PTPRB: variants seen among roughly 807,000 people sequenced by gnomAD.
PTPRB encodes the protein protein tyrosine phosphatase receptor type B, also known as receptor-type tyrosine-protein phosphatase beta.
PTPRB carries 97 observed loss-of-function variants against 238.1 expected under a neutral mutation model. That is an observed-to-expected ratio of 0.41 (90% CI 0.35 to 0.48). The LOEUF is 0.48. Ranked by LOEUF, PTPRB falls within the 20% of genes least tolerant of loss-of-function variation. The probability of loss-of-function intolerance (pLI) is 0.30; values close to 1 mark genes in which losing one functional copy is unlikely to be tolerated. For synonymous variants in PTPRB, 970 were observed against 995.4 expected, an observed-to-expected ratio of 0.97 and a Z score of 0.48; for missense variants, 2,292 against 2,681.9, an observed-to-expected ratio of 0.85 and a Z score of 3.21.
chr12:70,592,111 G>C (rs1238105366), intron 7 of PTPRB, 171 bp downstream of exon 7: 6 of 835,712 alleles, frequency 7.2e-6, no homozygotes, highest in Non-Finnish European at 1.1e-5. Flanking sequence ...TCCAAACTCA[G>C]TTGCCTAAGT....
chr12:70,610,092 C>T (rs747340889), intron 3 of PTPRB, among the ~76,000 whole-genome samples: 10 of 152,266 alleles, frequency 6.6e-5, no homozygotes, highest in Admixed American at 1.3e-4. Context: ...CGCCCCAGCC[C>T]CGTCCGCTGA....
chr12:70,534,999 C>T, intron 29 of PTPRB, 44 bp from the exon 30 acceptor site: 1 of 1,580,390 alleles, frequency 6.3e-7, no homozygotes, highest in Non-Finnish European at 8.6e-7. Context: ...GGAAAAGTGA[C>T]TCCTTGGTGA....
chr12:70,615,818 A>G (rs956698351), intron 3 of PTPRB, among the ~76,000 whole-genome samples: 1 of 152,228 alleles, frequency 6.6e-6, no homozygotes, highest in Non-Finnish European at 1.5e-5. Context: ...CAAATAAAGC[A>G]TGGCTTATGA....
At chr12:70,573,047 T>C (rs1880272130) in intron 11 of PTPRB, among the ~76,000 whole-genome samples, 1 of 152,062 alleles carries the variant, frequency 6.6e-6, no homozygotes, top group Non-Finnish European at 1.5e-5. Flanking sequence ...TATTATATAA[T>C]AGTTATAATT....
chr12:70,595,722 C>T (rs560752356), intron 5 of PTPRB, among the ~76,000 whole-genome samples: 2 of 152,090 alleles, frequency 1.3e-5, no homozygotes, highest in Non-Finnish European at 2.9e-5. Context: ...ATGGCACAAA[C>T]TTAGAAAATG....
Position 70,563,031 on chromosome 12 carries a change from C to T in PTPRB, c.3981G>A (p.Glu1327=), listed in dbSNP as rs1878713237. The part of the protein sequence containing the change: ...RHLSFRWTAS[E]GELSWYNIFL... ...AGATGTTGTACCAGCTGAGCTCCCC[C>T]TCTGAGGCGGTCCAGCGGAAGGACA... is the stretch of plus-strand genomic sequence containing the variant. The change falls in exon 16 of 34, where the codon GAG becomes GAA. Residue 1327 remains glutamate, a synonymous_variant. Transcript: ENST00000334414. The T allele has an allele frequency of 5.6e-6, 9 of 1,613,966 alleles. No individual in the cohort carries two copies. Among genetic ancestry groups the T allele is most frequent in the Non-Finnish European group, 6.8e-6 (8 of 1,179,880 alleles).
At chr12:70,610,556 C>G (rs970290420) in intron 3 of PTPRB, among the ~76,000 whole-genome samples, 1 of 152,084 alleles carries the variant, frequency 6.6e-6, no homozygotes, top group Non-Finnish European at 1.5e-5. Context: ...TATTAGAGAG[C>G]TTTTGCCCTT....
rs534296200 is a variant in PTPRB, at chr12:70,566,570, G to A, written c.3769C>T (p.Arg1257Cys). ...LLLTENGILL[R>C]NTSEPATTKQ... ...GTGGTGGCTGGCTCTGATGTGTTGC[G>A]CAGAAGGATTCCATTTTCAGTTAGA... The change falls in exon 15 of 34, where the codon CGC becomes TGC. Residue 1257 changes from arginine (R) to cysteine (C), a missense_variant. Arg to Cys is a radical substitution (Grantham distance 180, BLOSUM62 -3). This residue lies in a region of PTPRB where 683 missense variants were observed against 862.0 expected (regional missense o/e 0.79). Transcript: ENST00000334414. The A allele has an allele frequency of 2.9e-5, 47 of 1,613,932 alleles. No individual in the cohort carries two copies. The highest frequency in any genetic ancestry group is 1.5e-4 in the Admixed American group (9 of 60,028).
At chr12:70,627,161 T>A (rs762184768) in intron 2 of PTPRB, among the ~76,000 whole-genome samples, 22 of 152,246 alleles carry the variant, frequency 1.4e-4, no homozygotes, top group Non-Finnish European at 2.6e-4. Context: ...TAACACCCTA[T>A]GTTTTCTTTA....
intron 8 of PTPRB, among the ~76,000 whole-genome samples, chr12:70,588,095 CAAAA>C (rs10558140): frequency 0.13 from 14,085 of 104,672 alleles, 744 homozygotes; most frequent in Admixed American, 0.16. Context: ...GACTCTGTCT[CAAAA>C]AAAAAAAAAA....
At chr12:70,556,952 T>C (rs978325213) in intron 18 of PTPRB, among the ~76,000 whole-genome samples, 1 of 152,172 alleles carries the variant, frequency 6.6e-6, no homozygotes, top group African/African-American at 2.4e-5. Context: ...AGACGTTAGC[T>C]CTAACCTCTA....
rs1873791907 is a variant in PTPRB at position 70,534,544 on chromosome 12, A to C, written c.6312T>G (p.Thr2104=). The C allele has an allele frequency of 6.2e-7, 1 of 1,613,438 alleles. No homozygotes were observed. The highest frequency in any genetic ancestry group is 8.5e-7 in the Non-Finnish European group (1 of 1,179,726). Residue 2104 remains threonine, a synonymous_variant, in exon 31 of 34, where the codon ACT becomes ACG. Coordinates refer to ENST00000334414, the MANE Select transcript of PTPRB (RefSeq NM_001109754.4). ...GGCTTCTGTTGATGTAGTCCCTGAC[A>C]GTTCTCACAAACTGGATCAGAGACT... ...TTQSLIQFVR[T]VRDYINRSPG... is the part of the protein sequence containing the mutation.
At position 70,576,448 on chromosome 12, in the gene PTPRB, A is replaced by G. The variant is rs1250398383; in HGVS notation, c.2776T>C (p.Tyr926His). The G allele has an allele frequency of 6.2e-7, 1 of 1,606,590 alleles. No homozygotes were observed. ...CTCCTTGTAGTTATGGTCACGGTGT[A>G]GAGGCGGCCTGGGGTGAGGGAGCTG... ...SFSSLTPGRL[Y>H]TVTITTRSGK... is the part of the protein sequence containing the mutation. The change falls in exon 11 of 34, where the codon TAC (tyrosine) becomes CAC (histidine). Residue 926 changes from tyrosine to histidine, a missense_variant. Transcript: ENST00000334414.
At chr12:70,570,894 A>G in intron 13 of PTPRB, 132 bp downstream of exon 13, 1 of 962,632 alleles carries the variant, frequency 1.0e-6, no homozygotes, top group Non-Finnish European at 1.5e-6. Flanking sequence ...CATTGTCACT[A>G]TCAACATGAC....
rs1006005126 is a variant in PTPRB at position 70,517,188 on chromosome 12, A to G, written c.*4301T>C. On this transcript the variant is annotated 3_prime_UTR_variant, in exon 34 of 34. Coordinates refer to ENST00000334414, the MANE Select transcript of PTPRB (RefSeq NM_001109754.4). ...TTTAGTTAAATATCTGGTCAATTCAAAAAGCAAAATAAATTGATTCAATTG... is the reference window on the plus strand; with the variant it reads ...TTTAGTTAAATATCTGGTCAATTCAGAAAGCAAAATAAATTGATTCAATTG... 2.8e-4 allele frequency: 43 copies of G among 152,230 alleles called. No individual in the cohort carries two copies. The highest frequency in any genetic ancestry group is 9.9e-4 in the African/African-American group (41 of 41,464). The allele number at this position is 152,230 out of a possible 1,614,324, so 9.4% of individuals were successfully genotyped here.
At position 70,587,231 on chromosome 12, in the gene PTPRB, G is replaced by C; in HGVS notation, c.2087C>G (p.Ala696Gly). The C allele has an allele frequency of 6.2e-7, 1 of 1,613,848 alleles. No individual in the cohort carries two copies. Among genetic ancestry groups the C allele is most frequent in the Non-Finnish European group, 8.5e-7 (1 of 1,179,802 alleles). Residue 696 changes from alanine (A) to glycine (G), a missense_variant, in exon 9 of 34, where the codon GCC (alanine) becomes GGC (glycine). Transcript: ENST00000334414. ...CATGATACTCAGTGAGGTTTCATTG[G>C]CATGTTTGACACGAAGCTGGAGGAC... ...LAVLQLRVKHANETSLSIMWQ... is the reference protein window; with the variant it reads ...LAVLQLRVKHGNETSLSIMWQ...
chr12:70,583,263 A>C (rs1881566396), intron 9 of PTPRB, among the ~76,000 whole-genome samples: 1 of 152,152 alleles, frequency 6.6e-6, no homozygotes, highest in South Asian at 2.1e-4. Flanking sequence ...CCTTTCTGGC[A>C]GTATGATAGG....
intron 26 of PTPRB, 69 bp downstream of exon 26, chr12:70,539,555 CA>C: frequency 1.6e-6 from 2 of 1,233,388 alleles, no homozygotes; most frequent in Non-Finnish European, 2.3e-6. Flanking sequence ...TATGATGACA[CA>C]GTAAACATTA....
chr12:70,556,006 T>C lies in PTPRB; in HGVS notation c.4857A>G (p.Arg1619=). The change falls in exon 19 of 34, where the codon AGA becomes AGG. Residue 1619 remains arginine, a synonymous_variant. Transcript: ENST00000334414. ...GCAGAGATTTTTCTTTCTCCAGCTT[T>C]CTGGAAAACTCAACTTCTTGGGTGT... ...KMDTQEVEFS[R]KLEKEKSLLN... is the part of the protein sequence containing the mutation. 1 of 1,613,978 alleles carries C rather than the reference T, an allele frequency of 6.2e-7. No homozygotes were observed. Among genetic ancestry groups the C allele is most frequent in the South Asian group, 1.1e-5 (1 of 91,088 alleles).
Sources: allele counts gnomAD v4.1 joint callset (sites outside exome capture counted in the v4.1 genomes callset), GRCh38; gene constraint gnomAD v4.1.1; regional missense constraint gnomAD v4.1.1; transcripts MANE v1.5; gene names NCBI Gene and HGNC (gene_info 2026-07-23, HGNC 2026-07-21).